The following GALK2 variants were observed in gnomAD, a reference collection of about 807,000 sequenced individuals.
GALK2 encodes the protein galactokinase 2, also known as N-acetylgalactosamine kinase.
GALK2 carries 36 observed loss-of-function variants against 52.4 expected under a neutral mutation model. The observed-to-expected ratio is 0.69, with a 90% CI of 0.53 to 0.91. The LOEUF is 0.91. Ranked by LOEUF, GALK2 falls within the 40% of genes least tolerant of loss-of-function variation. The probability of loss-of-function intolerance (pLI) is 0.00; values close to 1 mark genes in which losing one functional copy is unlikely to be tolerated. For synonymous variants in GALK2, 176 were observed against 199.1 expected (o/e 0.88, Z 0.98); for missense variants, 579 against 559.1 (o/e 1.04, Z -0.36).
chr15:49,234,125 G>C (rs920970581), intron 3 of GALK2, among the ~76,000 whole-genome samples: 1 of 152,156 alleles, frequency 6.6e-6, no homozygotes, highest in Admixed American at 6.5e-5. Context: ...TCAATATGGG[G>C]AATTTTGCTT....
intron 1 of GALK2, among the ~76,000 whole-genome samples, chr15:49,179,909 C>T (rs1209129506): frequency 6.6e-6 from 1 of 152,066 alleles, no homozygotes; most frequent in South Asian, 2.1e-4. Flanking sequence ...CCCTACCATT[C>T]ATTATTAGAG....
At chr15:49,335,543 G>T, downstream of GALK2, 2 of 1,448,618 alleles carry the variant, frequency 1.4e-6, no homozygotes, top group Non-Finnish European at 1.9e-6. Flanking sequence ...GGAACATTTG[G>T]GAAGTAAACA....
chr15:49,299,731 TTTCTTTTCTTTCTTTC>T (rs1596018558), intron 8 of GALK2, among the ~76,000 whole-genome samples: 2 of 27,962 alleles, frequency 7.2e-5, no homozygotes, highest in Non-Finnish European at 7.3e-5. Flanking sequence ...TCTTTCTTTC[TTTCTTTTCTTTCTTTC>T]TTTCTTTCTT....
chr15:49,277,117 C>T (rs1225472373), intron 5 of GALK2, among the ~76,000 whole-genome samples: 6 of 121,174 alleles, frequency 5.0e-5, no homozygotes, highest in Admixed American at 9.7e-5. Flanking sequence ...CGCCCGCCAA[C>T]ACGCCCGGCT....
chr15:49,291,900 T>C (rs920735681), intron 7 of GALK2, among the ~76,000 whole-genome samples: 2 of 152,240 alleles, frequency 1.3e-5, no homozygotes, highest in Admixed American at 1.3e-4. Flanking sequence ...TAATTGGATG[T>C]ACAGTATCCT....
intron 3 of GALK2, among the ~76,000 whole-genome samples, chr15:49,228,841 C>T (rs1250709643): frequency 6.7e-6 from 1 of 149,780 alleles, no homozygotes; most frequent in Non-Finnish European, 1.5e-5. Flanking sequence ...ATTACAGGCA[C>T]CCACCACCAC....
intron 1 of GALK2, among the ~76,000 whole-genome samples, chr15:49,157,354 G>T (rs2084494073): frequency 6.6e-6 from 1 of 152,092 alleles, no homozygotes; most frequent in African/African-American, 2.4e-5. Context: ...GCACATAGGA[G>T]AAAATAAAGA....
chr15:49,301,994 A>G (rs2035155274), intron 8 of GALK2, among the ~76,000 whole-genome samples: 1 of 152,192 alleles, frequency 6.6e-6, no homozygotes, highest in South Asian at 2.1e-4. Flanking sequence ...CACACCTTCT[A>G]ATTTGAATCT....
chr15:49,332,058 C>G (rs2038866918), downstream of GALK2, among the ~76,000 whole-genome samples: 1 of 150,864 alleles, frequency 6.6e-6, no homozygotes, highest in Non-Finnish European at 1.5e-5. Context: ...TAGGTTCAGA[C>G]ACCCACCCCC....
intron 1 of GALK2, among the ~76,000 whole-genome samples, chr15:49,159,858 G>A (rs1354528183): frequency 1.3e-5 from 2 of 152,138 alleles, no homozygotes; most frequent in Non-Finnish European, 2.9e-5. Flanking sequence ...ATGTATGTGT[G>A]TGTTCCCTGT....
intron 5 of GALK2, among the ~76,000 whole-genome samples, chr15:49,265,980 A>G (rs1566997324): frequency 6.6e-6 from 1 of 152,198 alleles, no homozygotes; most frequent in Non-Finnish European, 1.5e-5. Flanking sequence ...TTTTCGAAAT[A>G]TAGTGGCTTA....
intron 5 of GALK2, among the ~76,000 whole-genome samples, chr15:49,278,349 G>C (rs1311310375): frequency 6.6e-6 from 1 of 152,204 alleles, no homozygotes; most frequent in Non-Finnish European, 1.5e-5. Flanking sequence ...TGAATTGGCT[G>C]TTTTAGAGGA....
At chr15:49,197,050 G>A (rs1295634099) in intron 1 of GALK2, among the ~76,000 whole-genome samples, 1 of 152,162 alleles carries the variant, frequency 6.6e-6, no homozygotes, top group African/African-American at 2.4e-5. Context: ...TCATGCCACT[G>A]CCCATTGAAC....
chr15:49,171,929 GC>G (rs971745164), intron 1 of GALK2, among the ~76,000 whole-genome samples: 1 of 151,956 alleles, frequency 6.6e-6, no homozygotes, highest in Non-Finnish European at 1.5e-5. Context: ...CCGCCACCAC[GC>G]CCCGTTATTT....
chr15:49,320,884 T>C (rs1467553858), intron 9 of GALK2, among the ~76,000 whole-genome samples: 2 of 152,224 alleles, frequency 1.3e-5, no homozygotes, highest in Non-Finnish European at 1.5e-5. Flanking sequence ...GAATTATTTC[T>C]GCAGAGATCA....
chr15:49,361,874 G>A (rs1199152942), intron 3 of GALK2, among the ~76,000 whole-genome samples: 3 of 152,082 alleles, frequency 2.0e-5, no homozygotes, highest in Non-Finnish European at 2.9e-5. Context: ...CAGTGTATAA[G>A]CATTCCTTTT....
chr15:49,276,872 G>C (rs2031745518), intron 5 of GALK2, among the ~76,000 whole-genome samples: 1 of 134,542 alleles, frequency 7.4e-6, no homozygotes, highest in African/African-American at 2.7e-5. Flanking sequence ...ACCATCAGAA[G>C]AATGCAAGCT....
chr15:49,196,645 G>C (rs996242614), intron 1 of GALK2, among the ~76,000 whole-genome samples: 1 of 152,038 alleles, frequency 6.6e-6, no homozygotes, highest in East Asian at 1.9e-4. Context: ...CAAGTTTATT[G>C]AGTCTTTTCT....
chr15:49,321,884 C>T (rs4775809), intron 9 of GALK2, among the ~76,000 whole-genome samples: 87,617 of 152,042 alleles, frequency 0.58, 25,807 homozygotes, highest in Non-Finnish European at 0.63. Context: ...TAGTTTCCAG[C>T]ATTTGAACAT....
Sources: gnomAD v4.1 joint callset for allele counts (sites outside exome capture counted in the v4.1 genomes callset) on GRCh38, gnomAD v4.1.1 for gene constraint, MANE v1.5 for transcripts, NCBI Gene and HGNC (gene_info 2026-07-23, HGNC 2026-07-21) for gene names.